Variants in SLC16A9 observed in about 807,000 individuals in gnomAD.
SLC16A9 encodes the protein monocarboxylate transporter 9.
A neutral mutation model predicts 44.3 loss-of-function variants in SLC16A9; 26 were observed. That is an observed-to-expected ratio of 0.59 (90% CI 0.43 to 0.81). The LOEUF (loss-of-function observed/expected upper bound fraction) is 0.81. Ranked by LOEUF, SLC16A9 falls within the 40% of genes least tolerant of loss-of-function variation. The pLI, the probability that SLC16A9 is intolerant of heterozygous loss-of-function variation, is 0.00. For missense variants in SLC16A9, 559 were observed against 595.8 expected (o/e 0.94, Z 0.64); for synonymous variants, 230 against 225.1 (o/e 1.02, Z -0.19).
At position 59,654,374 on chromosome 10, in the gene SLC16A9, C is replaced by T. The variant is rs1839297783; in HGVS notation, c.652G>A (p.Gly218Arg). 6.2e-7 allele frequency: 1 copy of T among 1,613,820 alleles called. No homozygotes were observed. Among genetic ancestry groups the T allele is most frequent in the Non-Finnish European group, 8.5e-7 (1 of 1,179,992 alleles). Residue 218 changes from glycine to arginine, a missense_variant, in exon 5 of 6, where the codon GGA (glycine) becomes AGA (arginine). Gly to Arg is a moderately radical substitution (Grantham distance 125). Coordinates refer to ENST00000395348, the MANE Select transcript of SLC16A9 (RefSeq NM_194298.3). Reference sequence around the variant, plus strand: ...TTTATGTTTTCTTCCAGATTCTTTCCTTTTTCATTGTAAATGGAGTATTTA... The same window carrying T: ...TTTATGTTTTCTTCCAGATTCTTTCTTTTTTCATTGTAAATGGAGTATTTA... ...PDKYSIYNEK[G>R]KNLEENINIL...
intron 1 of SLC16A9, among the ~76,000 whole-genome samples, chr10:59,699,708 C>G (rs1840479236): frequency 6.6e-6 from 1 of 151,334 alleles, no homozygotes; most frequent in African/African-American, 2.4e-5. Flanking sequence ...TTTTAAATCC[C>G]TTTAGACATA....
At chr10:59,707,343 G>A (rs1840666540) in intron 1 of SLC16A9, among the ~76,000 whole-genome samples, 2 of 145,222 alleles carry the variant, frequency 1.4e-5, no homozygotes, top group African/African-American at 2.5e-5. Flanking sequence ...GGAGGGGAAG[G>A]GAGGGGAAGG....
intron 1 of SLC16A9, among the ~76,000 whole-genome samples, chr10:59,700,621 T>A (rs551701493): frequency 3.3e-5 from 5 of 152,336 alleles, no homozygotes; most frequent in Non-Finnish European, 5.9e-5. Context: ...TCGCATAAAG[T>A]AACTATTTAG....
At chr10:59,700,555 T>C (rs772323850) in intron 1 of SLC16A9, among the ~76,000 whole-genome samples, 4 of 152,214 alleles carry the variant, frequency 2.6e-5, no homozygotes, top group African/African-American at 4.8e-5. Context: ...CATCCAAGCA[T>C]ATGCTAAAAC....
intron 2 of SLC16A9, among the ~76,000 whole-genome samples, chr10:59,679,783 T>C (rs1189582049): frequency 6.6e-6 from 1 of 152,194 alleles, no homozygotes; most frequent in Non-Finnish European, 1.5e-5. Context: ...ATTTACTCCA[T>C]GAGAACACAG....
intron 1 of SLC16A9, among the ~76,000 whole-genome samples, chr10:59,696,038 C>T (rs1840363099): frequency 6.6e-6 from 1 of 152,076 alleles, no homozygotes; most frequent in Admixed American, 6.6e-5. Context: ...GGCGGTGTGA[C>T]CCTGTCTCTA....
At chr10:59,682,032 A>C (rs1840037530) in intron 2 of SLC16A9, among the ~76,000 whole-genome samples, 1 of 152,064 alleles carries the variant, frequency 6.6e-6, no homozygotes, top group East Asian at 1.9e-4. Context: ...CATCTAGCTA[A>C]AGGCAGTGGA....
chr10:59,666,714 T>A (rs908273572), intron 3 of SLC16A9, among the ~76,000 whole-genome samples: 4 of 152,190 alleles, frequency 2.6e-5, no homozygotes, highest in African/African-American at 9.7e-5. Context: ...AAATAACCAC[T>A]TTTAAAATAT....
intron 3 of SLC16A9, among the ~76,000 whole-genome samples, chr10:59,664,959 C>T (rs958774690): frequency 3.3e-5 from 5 of 151,720 alleles, no homozygotes; most frequent in African/African-American, 1.2e-4. Flanking sequence ...GAAGCACATA[C>T]AACAAAATAC....
chr10:59,665,580 G>C (rs1839591115), intron 3 of SLC16A9, among the ~76,000 whole-genome samples: 1 of 151,830 alleles, frequency 6.6e-6, no homozygotes, highest in Non-Finnish European at 1.5e-5. Flanking sequence ...CAAAATCTAA[G>C]ACATGAGTTG....
rs1395968925 is a variant in SLC16A9, at chr10:59,652,560, G to C, written c.*212C>G. 6 of 439,604 alleles carry C rather than the reference G, an allele frequency of 1.4e-5. No individual in the cohort carries two copies. The highest frequency in any genetic ancestry group is 2.4e-5 in the Non-Finnish European group (6 of 251,632). The allele number at this position is 439,604 out of a possible 1,614,324, so 27.2% of individuals were successfully genotyped here. ...AGAATAGTCCCATTGATGGTGTGGG[G>C]AGGAGAAATAGAAAAAAATACGAGA... On this transcript the variant is annotated 3_prime_UTR_variant, in exon 6 of 6. Coordinates refer to ENST00000395348, the MANE Select transcript of SLC16A9 (RefSeq NM_194298.3).
intron 1 of SLC16A9, among the ~76,000 whole-genome samples, chr10:59,704,091 T>C (rs1156940730): frequency 6.6e-6 from 1 of 152,184 alleles, no homozygotes; most frequent in Admixed American, 6.5e-5. Context: ...TCTCAAAACA[T>C]TGAAAGTTCT....
In SLC16A9 at chr10:59,651,106, C is replaced by G. The variant is rs761292780; in HGVS notation, c.*1666G>C. 6.6e-6 allele frequency: 1 copy of G among 151,842 alleles called. No individual in the cohort carries two copies. Among genetic ancestry groups the G allele is most frequent in the Non-Finnish European group, 1.5e-5 (1 of 67,964 alleles). 9.4% of individuals were successfully genotyped at this position (151,842 alleles called of 1,614,324 possible). A position where few individuals can be genotyped will look rare whatever the true frequency, so the allele number is the denominator to read the frequency against. On this transcript the variant is annotated 3_prime_UTR_variant, in exon 6 of 6. Coordinates refer to ENST00000395348, the MANE Select transcript of SLC16A9 (RefSeq NM_194298.3). ...TGTAGAAGTCCAAGACAACTTGGAG[C>G]TCCATTATTGCATTATTAAGTAGAA...
At position 59,678,134 on chromosome 10, in the gene SLC16A9, G is replaced by A. The variant is rs952407428; in HGVS notation, c.197-5221C>T. ...TTTCAGAGAGTCCCAGGAGTAGAAG[G>A]ATGGCCAGGTCTGCTGCAGTGAATA... On this transcript the variant is annotated intron_variant, in intron 2 of 5. Coordinates refer to ENST00000395348, the MANE Select transcript of SLC16A9 (RefSeq NM_194298.3). 2.0e-5 allele frequency among the ~76,000 whole-genome samples: 3 copies of A among 149,922 alleles called. No homozygotes were observed. The South Asian group carries it at 6.3e-4, about 31-fold the overall frequency.
chr10:59,696,193 C>A (rs2132528177), intron 1 of SLC16A9, among the ~76,000 whole-genome samples: 1 of 152,330 alleles, frequency 6.6e-6, no homozygotes, highest in South Asian at 2.1e-4. Flanking sequence ...TGGCTCACTG[C>A]AACCTCCCTG....
intron 1 of SLC16A9, among the ~76,000 whole-genome samples, chr10:59,688,869 G>A (rs1345051748): frequency 6.6e-6 from 1 of 151,812 alleles, no homozygotes. Context: ...TTCCTGGGAG[G>A]TTGCGGGCAA....
At chr10:59,675,033 C>T (rs1045896399) in intron 2 of SLC16A9, among the ~76,000 whole-genome samples, 7 of 152,116 alleles carry the variant, frequency 4.6e-5, no homozygotes, top group African/African-American at 1.7e-4. Context: ...AACAGAAATT[C>T]TCTTACAGTG....
chr10:59,683,573 A>G (rs1840068923), intron 2 of SLC16A9, among the ~76,000 whole-genome samples: 1 of 152,190 alleles, frequency 6.6e-6, no homozygotes, highest in African/African-American at 2.4e-5. Flanking sequence ...TTTCTTGGGA[A>G]GTTCTCATGA....
At position 59,673,048 on chromosome 10, in the gene SLC16A9, A is replaced by G. The variant is rs1467819710; in HGVS notation, c.197-135T>C. 7 of 726,494 alleles carry G rather than the reference A, an allele frequency of 9.6e-6. No individual in the cohort carries two copies. In the Admixed American group the frequency reaches 2.4e-4, roughly 24 times the overall value. 45.0% of individuals were successfully genotyped at this position (726,494 alleles called of 1,614,324 possible). On this transcript the variant is annotated intron_variant, in intron 2 of 5. Transcript: ENST00000395348. ...ATGATATGCAGACACTATATGAGGC[A>G]GTTCACATGAACAATCTCATCTCAT...
Sources: gnomAD v4.1 joint callset for allele counts (sites outside exome capture counted in the v4.1 genomes callset) on GRCh38, gnomAD v4.1.1 for gene constraint, MANE v1.5 for transcripts, NCBI Gene and HGNC (gene_info 2026-07-23, HGNC 2026-07-21) for gene names.